Variants in DMD observed in about 807,000 individuals in gnomAD.
DMD encodes the protein mutant dystrophin.
A neutral mutation model predicts 330.1 loss-of-function variants in DMD; 63 were observed. The ratio of observed to expected loss-of-function variants is 0.19; its 90% confidence interval spans 0.16 to 0.24. DMD has a LOEUF of 0.24. Among genes scored for constraint, DMD ranks in the 10% least tolerant of loss-of-function variants. DMD has a pLI of 1.00. For synonymous variants in DMD, 1,223 were observed against 959.8 expected (o/e 1.27, Z -5.07); for missense variants, 3,344 against 2,684.1 (o/e 1.25, Z -5.43).
intron 4 of DMD, among the ~76,000 whole-genome samples, chrX:32,844,403 T>A (rs764716450): frequency 2.4e-5 from 1 of 41,355 alleles, no homozygotes; most frequent in African/African-American, 3.0e-4. Context: ...CGAGACTCCA[T>A]CTCAAAAAAA....
At chrX:31,237,729 T>A (rs138181569) in intron 63 of DMD, among the ~76,000 whole-genome samples, 4,403 of 111,565 alleles carry the variant, frequency 0.039, 137 homozygotes, top group African/African-American at 0.11. Context: ...ATTTTATTTT[T>A]ATTTTTTTTA....
intron 63 of DMD, among the ~76,000 whole-genome samples, chrX:31,224,247 T>C (rs1438869909): frequency 4.5e-5 from 5 of 111,419 alleles, no homozygotes; most frequent in African/African-American, 1.6e-4. Flanking sequence ...AACAAAAGAA[T>C]GAAAGAAAGA....
At chrX:31,226,162 C>A (rs2141758) in intron 63 of DMD, among the ~76,000 whole-genome samples, 1 of 110,540 alleles carries the variant, frequency 9.0e-6, no homozygotes, top group Non-Finnish European at 1.9e-5. Flanking sequence ...TCTGTGAATC[C>A]GAATCAATAT....
chrX:32,271,059 A>T (rs750712783), intron 43 of DMD, among the ~76,000 whole-genome samples: 1 of 111,495 alleles, frequency 9.0e-6, no homozygotes, highest in Non-Finnish European at 1.9e-5. Flanking sequence ...AAGGTACCCA[A>T]AGAAATTCCA....
intron 6 of DMD, among the ~76,000 whole-genome samples, chrX:32,810,723 G>A (rs2077307841): frequency 9.0e-6 from 1 of 111,490 alleles, no homozygotes; most frequent in Non-Finnish European, 1.9e-5. Context: ...GTTAATTAGT[G>A]CATAGCAGAG....
At chrX:32,904,807 C>A (rs1015372251) in intron 2 of DMD, among the ~76,000 whole-genome samples, 4 of 111,976 alleles carry the variant, frequency 3.6e-5, no homozygotes, top group Non-Finnish European at 5.6e-5. Flanking sequence ...AACTCCTGAC[C>A]TCAGGTAATC....
chrX:32,893,736 G>A (rs756072962), intron 2 of DMD, among the ~76,000 whole-genome samples: 25 of 111,266 alleles, frequency 2.2e-4, no homozygotes, highest in African/African-American at 8.2e-4. Context: ...TCATCTGTTT[G>A]TGCTACTAAA....
At chrX:31,638,884 C>T (rs754682536) in intron 54 of DMD, among the ~76,000 whole-genome samples, 5 of 111,366 alleles carry the variant, frequency 4.5e-5, no homozygotes, top group East Asian at 2.8e-4. Context: ...GGTTAGGGGG[C>T]GATTGATATA....
chrX:33,092,423 T>A lies in DMD; in HGVS notation c.32-72223A>T, dbSNP rs1194382640. Reference sequence around the variant, plus strand: ...AATTTCACTTTAAAGCTAAATAAATTGGTCTATATACACTAAAGTCATAAG... The same window carrying A: ...AATTTCACTTTAAAGCTAAATAAATAGGTCTATATACACTAAAGTCATAAG... On this transcript the variant is annotated intron_variant, in intron 1 of 78. Transcript: ENST00000357033. Among the ~76,000 whole-genome samples, 4 of 111,989 alleles carry A rather than the reference T, an allele frequency of 3.6e-5. No individual in the cohort carries two copies. The East Asian group carries it at 1.1e-3, about 31-fold the overall frequency.
At chrX:32,656,058 C>A (rs928505710) in intron 9 of DMD, among the ~76,000 whole-genome samples, 1 of 111,336 alleles carries the variant, frequency 9.0e-6, no homozygotes, top group Non-Finnish European at 1.9e-5. Flanking sequence ...CTTTCTTCAC[C>A]CTTTATGTAG....
At chrX:33,113,902 T>A (rs745909258) in intron 1 of DMD, among the ~76,000 whole-genome samples, 1 of 110,685 alleles carries the variant, frequency 9.0e-6, no homozygotes, top group Non-Finnish European at 1.9e-5. Context: ...CACGGGTAGA[T>A]GAATAATTCG....
chrX:32,906,418 C>A (rs1158774975), intron 2 of DMD, among the ~76,000 whole-genome samples: 1 of 111,965 alleles, frequency 8.9e-6, no homozygotes, highest in Non-Finnish European at 1.9e-5. Context: ...AACGTCTTTT[C>A]TTTATAAATT....
At chrX:31,460,523 G>T (rs1681192606) in intron 59 of DMD, among the ~76,000 whole-genome samples, 1 of 112,132 alleles carries the variant, frequency 8.9e-6, no homozygotes, top group Admixed American at 9.5e-5. Flanking sequence ...ATTTTTAAAT[G>T]TAATTGTTTT....
intron 60 of DMD, among the ~76,000 whole-genome samples, chrX:31,401,353 A>G (rs997641875): frequency 6.2e-5 from 7 of 112,119 alleles, no homozygotes; most frequent in African/African-American, 2.3e-4. Flanking sequence ...AGAATGTGGA[A>G]TATTTATTTA....
intron 16 of DMD, among the ~76,000 whole-genome samples, chrX:32,559,145 G>T (rs189374198): frequency 9.2e-6 from 1 of 108,247 alleles, no homozygotes; most frequent in Non-Finnish European, 1.9e-5. Flanking sequence ...TAAAGATGGG[G>T]TTTCACCATG....
chrX:32,925,736 C>T (rs985739028), intron 2 of DMD, among the ~76,000 whole-genome samples: 2 of 111,773 alleles, frequency 1.8e-5, no homozygotes, highest in South Asian at 3.7e-4. Flanking sequence ...ACATAACAAT[C>T]TAAACTACTA....
In DMD at chrX:32,621,256, C is replaced by A. The variant is rs1322508566; in HGVS notation, c.1332-6803G>T. On this transcript the variant is annotated intron_variant, in intron 11 of 78. Transcript: ENST00000357033. ...AGACCTGTGAAAGGCCCTGTCACAT[C>A]ACAGAGGAACCGGAAATCCAGTGCA... Among the ~76,000 whole-genome samples the A allele has an allele frequency of 9.0e-5, 10 of 111,297 alleles. No homozygotes were observed. In the Admixed American group the frequency reaches 9.5e-4, roughly 11 times the overall value.
At chrX:32,086,130 T>C (rs915478360) in intron 44 of DMD, among the ~76,000 whole-genome samples, 1 of 111,789 alleles carries the variant, frequency 8.9e-6, no homozygotes, top group African/African-American at 3.2e-5. Flanking sequence ...GCAAAACCAA[T>C]CTATGCTGTC....
Position 32,644,952 on chromosome X carries a change from GT to G in DMD, c.1149+11del. 1 of 1,207,281 alleles carries G rather than the reference GT, an allele frequency of 8.3e-7. No individual in the cohort carries two copies. Among genetic ancestry groups the G allele is most frequent in the Non-Finnish European group, 1.1e-6 (1 of 891,755 alleles). ...CATATGTTTTGTTTTGTAAATTAACGTTTTAGTTTACCTCATGAGTATGAAA... is the reference window on the plus strand; with the variant it reads ...CATATGTTTTGTTTTGTAAATTAACGTTTAGTTTACCTCATGAGTATGAAA... On this transcript the variant is annotated intron_variant, in intron 10 of 78. Transcript: ENST00000357033.
Sources: gnomAD v4.1 joint callset for allele counts (sites outside exome capture counted in the v4.1 genomes callset) on GRCh38, gnomAD v4.1.1 for gene constraint, MANE v1.5 for transcripts, NCBI Gene and HGNC (gene_info 2026-07-23, HGNC 2026-07-21) for gene names.